The following MBD5 variants were observed in gnomAD, a reference collection of about 807,000 sequenced individuals.
MBD5 encodes the protein methyl-CpG-binding domain protein 5.
MBD5 carries 13 observed loss-of-function variants against 117.3 expected under a neutral mutation model. That is an observed-to-expected ratio of 0.11 (90% CI 0.07 to 0.18). The LOEUF is 0.18. Ranked by LOEUF, MBD5 falls within the 10% of genes least tolerant of loss-of-function variation. The pLI is 1.00. For synonymous variants in MBD5, 727 were observed against 766.4 expected, an observed-to-expected ratio of 0.95 and a Z score of 0.85; for missense variants, 1,879 against 2,093.8, an observed-to-expected ratio of 0.90 and a Z score of 2.00.
chr2:148,377,811 G>A (rs896303146), intron 4 of MBD5, among the ~76,000 whole-genome samples: 2 of 152,052 alleles, frequency 1.3e-5, no homozygotes, highest in Non-Finnish European at 1.5e-5. Context: ...GGGTATCCTC[G>A]ACAATAGAAA....
chr2:148,323,375 T>C (rs1282060209), intron 3 of MBD5, among the ~76,000 whole-genome samples: 1 of 151,548 alleles, frequency 6.6e-6, no homozygotes, highest in Non-Finnish European at 1.5e-5. Context: ...ATGGGATGGC[T>C]GGGTCAAATG....
At position 148,421,123 on chromosome 2, in the gene MBD5, G is replaced by T. The variant is rs149259725; in HGVS notation, c.-556-37080G>T. ...TTGCCGTTTAATACTGCCTGTGAGAGGTCTAATCTCAAGATGGCTGAACAG... is the reference window on the plus strand; with the variant it reads ...TTGCCGTTTAATACTGCCTGTGAGATGTCTAATCTCAAGATGGCTGAACAG... On this transcript the variant is annotated intron_variant, in intron 4 of 13. Transcript: ENST00000642680. Among the ~76,000 whole-genome samples, 16 of 152,250 alleles carry T rather than the reference G, an allele frequency of 1.1e-4. No homozygotes were observed. The East Asian group carries it at 3.1e-3, about 29-fold the overall frequency.
chr2:148,253,963 A>G (rs1478590592), intron 3 of MBD5, among the ~76,000 whole-genome samples: 1 of 152,166 alleles, frequency 6.6e-6, no homozygotes. Context: ...CTCCTGACTA[A>G]AGCACAGCCA....
intron 3 of MBD5, among the ~76,000 whole-genome samples, chr2:148,270,909 A>C (rs2106341142): frequency 6.6e-6 from 1 of 152,010 alleles, no homozygotes; most frequent in Admixed American, 6.6e-5. Context: ...TCCCTTTTCC[A>C]CAAACAGATA....
At chr2:148,331,421 C>G (rs1191337178) in intron 3 of MBD5, among the ~76,000 whole-genome samples, 1 of 151,230 alleles carries the variant, frequency 6.6e-6, no homozygotes, top group African/African-American at 2.4e-5. Flanking sequence ...GCCATGTGGA[C>G]AAAGATTAAA....
At chr2:148,474,726 T>C (rs1288472609) in intron 8 of MBD5, among the ~76,000 whole-genome samples, 1 of 152,192 alleles carries the variant, frequency 6.6e-6, no homozygotes, top group Non-Finnish European at 1.5e-5. Flanking sequence ...TATATACTTA[T>C]ATTTTTTTAA....
chr2:148,514,931 G>A lies in MBD5; in HGVS notation c.*1990G>A, dbSNP rs1458035588. 6.6e-6 allele frequency: 1 copy of A among 152,176 alleles called. No homozygotes were observed. The highest frequency in any genetic ancestry group is 1.5e-5 in the Non-Finnish European group (1 of 68,046). The allele number at this position is 152,176 out of a possible 1,614,324, so 9.4% of individuals were successfully genotyped here. A position where few individuals can be genotyped will look rare whatever the true frequency, so the allele number is the denominator to read the frequency against. ...AAAGTAGGAACCCTTCGTTCTGGGGGTAGGTTCATTTTGTCTCTCTTGTAA... is the reference window on the plus strand; with the variant it reads ...AAAGTAGGAACCCTTCGTTCTGGGGATAGGTTCATTTTGTCTCTCTTGTAA... On this transcript the variant is annotated 3_prime_UTR_variant, in exon 14 of 14. Transcript: ENST00000642680.
intron 3 of MBD5, among the ~76,000 whole-genome samples, chr2:148,340,630 A>G (rs558545972): frequency 5.5e-4 from 83 of 152,212 alleles, no homozygotes; most frequent in Non-Finnish European, 9.1e-4. Context: ...TTAAGTTGAT[A>G]AGTTTCTAAT....
intron 1 of MBD5, among the ~76,000 whole-genome samples, chr2:148,148,121 T>C (rs1271168483): frequency 6.6e-6 from 1 of 152,158 alleles, no homozygotes; most frequent in Non-Finnish European, 1.5e-5. Context: ...TGACAAATAT[T>C]CTGTAGGTAG....
intron 3 of MBD5, chr2:148,296,238 CTT>C (rs1701643709): frequency 5.3e-6 from 1 of 188,392 alleles, no homozygotes; most frequent in African/African-American, 2.4e-5. Flanking sequence ...TGCCTTCTCT[CTT>C]CTTATAGAAT....
intron 1 of MBD5, among the ~76,000 whole-genome samples, chr2:148,080,600 T>A (rs1695625370): frequency 6.6e-6 from 1 of 152,274 alleles, no homozygotes; most frequent in South Asian, 2.1e-4. Context: ...AAATAGACAT[T>A]TTATTTCCAT....
chr2:148,126,423 AAAGT>A (rs912912835), intron 1 of MBD5, among the ~76,000 whole-genome samples: 4 of 151,164 alleles, frequency 2.6e-5, no homozygotes, highest in African/African-American at 9.8e-5. Context: ...AAAAAAAAAA[AAAGT>A]AGGTGTCTTT....
intron 2 of MBD5, chr2:148,196,250 T>C (rs905141407): frequency 1.3e-5 from 2 of 152,224 alleles, no homozygotes; most frequent in Non-Finnish European, 2.9e-5. Context: ...TTTTTTGTAA[T>C]AGTTCCATTT....
rs71406014 is a variant in MBD5 at position 148,246,763 on chromosome 2, CAAAAAAAAAA to C, written c.-680+13383_-680+13392del. ...TGGGTGACAGAGTGAGACTCCATCT[CAAAAAAAAAA>C]AAAAAAAAAAAAAATTGTTTGCTAC... On this transcript the variant is annotated intron_variant, in intron 3 of 13. Transcript: ENST00000642680. 1.0e-4 allele frequency among the ~76,000 whole-genome samples: 7 copies of C among 70,138 alleles called. No individual in the cohort carries two copies. The Admixed American group carries it at 1.3e-3, about 13-fold the overall frequency. 46.0% of individuals were successfully genotyped at this position (70,138 alleles called of 152,430 possible).
chr2:148,129,551 A>C (rs928991126), intron 1 of MBD5, among the ~76,000 whole-genome samples: 2 of 152,148 alleles, frequency 1.3e-5, no homozygotes, highest in Non-Finnish European at 2.9e-5. Flanking sequence ...ATCTCTAAAA[A>C]GATAGGCTCT....
At chr2:148,311,745 G>A (rs1374014940) in intron 3 of MBD5, among the ~76,000 whole-genome samples, 3 of 152,210 alleles carry the variant, frequency 2.0e-5, no homozygotes, top group East Asian at 3.9e-4. Context: ...TCATAGTGTC[G>A]ATGGACTTTA....
chr2:148,459,645 A>G (rs186168280), intron 5 of MBD5, among the ~76,000 whole-genome samples: 407 of 152,346 alleles, frequency 2.7e-3, no homozygotes, highest in African/African-American at 8.7e-3. Flanking sequence ...AAAAGGTATC[A>G]CATTCCATTA....
At chr2:148,361,596 G>A (rs1031571644) in intron 4 of MBD5, among the ~76,000 whole-genome samples, 2 of 152,088 alleles carry the variant, frequency 1.3e-5, no homozygotes, top group Admixed American at 6.6e-5. Context: ...GAAACAAGAA[G>A]GGCTCACATT....
Position 148,470,446 on chromosome 2 carries a change from A to G in MBD5, c.2503A>G (p.Thr835Ala), listed in dbSNP as rs770527493. The G allele has an allele frequency of 6.2e-7, 1 of 1,601,866 alleles. No individual in the cohort carries two copies. The highest frequency in any genetic ancestry group is 1.1e-5 in the South Asian group (1 of 89,106). The change falls in exon 8 of 14, where the codon ACA becomes GCA. Residue 835 changes from threonine to alanine, a missense_variant. This residue lies in a region of MBD5 where 1,666 missense variants were observed against 1,792.2 expected (regional missense o/e 0.93). Transcript: ENST00000642680. ...PNSIVSSYNQ[T>A]SSEAGGSGPS... ...CAGCATTGTTAGCAGCTATAATCAA[A>G]CAAGTTCTGAAGCAGGTATGGTTTT...
Sources: allele counts gnomAD v4.1 joint callset (sites outside exome capture counted in the v4.1 genomes callset), GRCh38; gene constraint gnomAD v4.1.1; regional missense constraint gnomAD v4.1.1; transcripts MANE v1.5; gene names NCBI Gene and HGNC (gene_info 2026-07-23, HGNC 2026-07-21).